CADM2: variants seen among roughly 807,000 people sequenced by gnomAD.
The protein encoded by CADM2 is immunoglobulin superfamily member 4D.
Under a neutral mutation model 49.8 loss-of-function variants are expected in CADM2, and 12 were observed. That is an observed-to-expected ratio of 0.24 (90% CI 0.15 to 0.39). CADM2 has a LOEUF of 0.39. Ranked by LOEUF, CADM2 falls within the 10% of genes least tolerant of loss-of-function variation. The pLI, the probability that CADM2 is intolerant of heterozygous loss-of-function variation, is 1.00. For missense variants in CADM2, 378 were observed against 492.3 expected, an observed-to-expected ratio of 0.77 and a Z score of 2.20; for synonymous variants, 214 against 175.4, an observed-to-expected ratio of 1.22 and a Z score of -1.74.
chr3:85,988,171 C>G (rs1163911649), intron 8 of CADM2, among the ~76,000 whole-genome samples: 1 of 152,194 alleles, frequency 6.6e-6, no homozygotes, highest in Non-Finnish European at 1.5e-5. Flanking sequence ...TTCGGGAGTT[C>G]ATGGAATTCC....
chr3:85,133,809 C>T (rs902102221), intron 1 of CADM2, among the ~76,000 whole-genome samples: 3 of 152,234 alleles, frequency 2.0e-5, no homozygotes, highest in African/African-American at 7.2e-5. Flanking sequence ...CCAGTGGATC[C>T]CTCACCGGGG....
intron 1 of CADM2, among the ~76,000 whole-genome samples, chr3:85,290,145 G>A (rs2043745918): frequency 6.6e-6 from 1 of 152,170 alleles, no homozygotes; most frequent in South Asian, 2.1e-4. Flanking sequence ...CAAGGGGTCA[G>A]GGAGTTCCCT....
At chr3:85,513,370 A>G (rs2060818658) in intron 1 of CADM2, among the ~76,000 whole-genome samples, 2 of 152,064 alleles carry the variant, frequency 1.3e-5, no homozygotes, top group Admixed American at 6.6e-5. Flanking sequence ...AAGTATTTTA[A>G]TTAATCAAGA....
At chr3:86,042,016 T>A (rs1019230760) in intron 8 of CADM2, among the ~76,000 whole-genome samples, 1 of 152,182 alleles carries the variant, frequency 6.6e-6, no homozygotes, top group Non-Finnish European at 1.5e-5. Flanking sequence ...AATAAAGATG[T>A]TCTTTGAAAC....
At chr3:85,397,714 T>C (rs1283361395) in intron 1 of CADM2, among the ~76,000 whole-genome samples, 1 of 152,102 alleles carries the variant, frequency 6.6e-6, no homozygotes, top group African/African-American at 2.4e-5. Flanking sequence ...ATAGAGACTA[T>C]TGAAGGCTGA....
chr3:85,068,727 A>C (rs867663525), intron 1 of CADM2, among the ~76,000 whole-genome samples: 5 of 152,070 alleles, frequency 3.3e-5, no homozygotes, highest in African/African-American at 1.2e-4. Context: ...TACAGAATAC[A>C]TATTTAAAGT....
intron 1 of CADM2, among the ~76,000 whole-genome samples, chr3:85,647,070 G>T (rs527417080): frequency 6.6e-5 from 10 of 151,690 alleles, no homozygotes; most frequent in African/African-American, 2.4e-5. Context: ...TTAAGCTTTG[G>T]TCTCATCGTC....
At chr3:85,965,312 A>G (rs568659950) in intron 8 of CADM2, among the ~76,000 whole-genome samples, 258 of 141,624 alleles carry the variant, frequency 1.8e-3, no homozygotes, top group African/African-American at 5.9e-3. Context: ...AAATATTATG[A>G]TAAATATTAT....
chr3:85,581,283 A>G (rs2062788844), intron 1 of CADM2, among the ~76,000 whole-genome samples: 1 of 152,116 alleles, frequency 6.6e-6, no homozygotes, highest in Non-Finnish European at 1.5e-5. Context: ...CTATGCATAA[A>G]TATTTATGAT....
intron 1 of CADM2, among the ~76,000 whole-genome samples, chr3:85,178,589 A>G (rs1559705293): frequency 6.6e-6 from 1 of 151,916 alleles, no homozygotes; most frequent in Non-Finnish European, 1.5e-5. Context: ...AAAAGTCTGT[A>G]GAAATATGCA....
chr3:85,766,848 T>C (rs2069680034), intron 2 of CADM2, among the ~76,000 whole-genome samples: 1 of 152,176 alleles, frequency 6.6e-6, no homozygotes, highest in Admixed American at 6.6e-5. Context: ...TGTTTCTATT[T>C]CATTCAACTT....
intron 1 of CADM2, among the ~76,000 whole-genome samples, chr3:85,447,930 A>G (rs922723721): frequency 5.9e-5 from 9 of 152,202 alleles, no homozygotes; most frequent in Non-Finnish European, 8.8e-5. Context: ...CAAAAATTGT[A>G]TCAGATATCC....
intron 4 of CADM2, among the ~76,000 whole-genome samples, chr3:85,885,659 G>A (rs1713514827): frequency 6.9e-6 from 1 of 145,802 alleles, no homozygotes; most frequent in South Asian, 2.2e-4. Flanking sequence ...TCCAGCCTGG[G>A]GTCAGAGCAA....
At chr3:85,829,012 A>G (rs1015856349) in intron 3 of CADM2, among the ~76,000 whole-genome samples, 1 of 151,968 alleles carries the variant, frequency 6.6e-6, no homozygotes. Flanking sequence ...TTATTTGACC[A>G]TAAGTATACT....
chr3:85,511,988 C>T (rs2040638972), intron 1 of CADM2: 1 of 611,330 alleles, frequency 1.6e-6, no homozygotes, highest in African/African-American at 2.0e-5. Context: ...GTTTTAAAGC[C>T]AATGTTCTTT....
At chr3:84,994,755 G>A (rs893746406) in intron 1 of CADM2, among the ~76,000 whole-genome samples, 7 of 152,240 alleles carry the variant, frequency 4.6e-5, no homozygotes, top group Non-Finnish European at 5.9e-5. Flanking sequence ...TCGGCTGGGC[G>A]TGGTGCCTCA....
rs773536550 is a variant in CADM2, at chr3:86,069,953, G to A, written c.*3170G>A. On this transcript the variant is annotated 3_prime_UTR_variant, in exon 10 of 10. Coordinates refer to ENST00000383699, the MANE Select transcript of CADM2 (RefSeq NM_001167675.2). ...AGAGCGCATGAGCAGAGTACTGATG[G>A]TGTGCGTGTTTGTGTGTGTGTATAT... 1.3e-5 allele frequency: 2 copies of A among 151,892 alleles called. No homozygotes were observed. Among genetic ancestry groups the A allele is most frequent in the Non-Finnish European group, 2.9e-5 (2 of 67,848 alleles). 9.4% of individuals were successfully genotyped at this position (151,892 alleles called of 1,614,324 possible).
chr3:85,762,214 G>A lies in CADM2; in HGVS notation c.88+35666G>A, dbSNP rs1235061722. Among the ~76,000 whole-genome samples the A allele has an allele frequency of 5.3e-5, 8 of 152,164 alleles. No homozygotes were observed. In the East Asian group the frequency reaches 1.5e-3, roughly 29 times the overall value. ...GAGAGTTTGTGACAAATGAACTTAA[G>A]CATTTATAGAAAATCTGTTAATAGT... On this transcript the variant is annotated intron_variant, in intron 2 of 9. Coordinates refer to ENST00000383699, the MANE Select transcript of CADM2 (RefSeq NM_001167675.2).
chr3:85,085,904 T>C (rs1413995334), intron 1 of CADM2, among the ~76,000 whole-genome samples: 1 of 152,122 alleles, frequency 6.6e-6, no homozygotes, highest in Non-Finnish European at 1.5e-5. Context: ...TAAAGAACAA[T>C]TTTTCATGGG....
Sources: gnomAD v4.1 joint callset for allele counts (sites outside exome capture counted in the v4.1 genomes callset) on GRCh38, gnomAD v4.1.1 for gene constraint, MANE v1.5 for transcripts, NCBI Gene and HGNC (gene_info 2026-07-23, HGNC 2026-07-21) for gene names.